Variants in ALDH8A1 observed in about 807,000 individuals in gnomAD.
The protein encoded by ALDH8A1 is 2-aminomuconic semialdehyde dehydrogenase.
ALDH8A1 carries 39 observed loss-of-function variants against 43.3 expected under a neutral mutation model. The observed-to-expected ratio is 0.90, with a 90% CI of 0.70 to 1.18. The LOEUF is 1.18. Among genes scored for constraint, ALDH8A1 ranks in the 50% most tolerant of loss-of-function variants. The pLI is 0.00. For synonymous variants in ALDH8A1, 233 were observed against 243.5 expected, an observed-to-expected ratio of 0.96 and a Z score of 0.40; for missense variants, 605 against 622.6, an observed-to-expected ratio of 0.97 and a Z score of 0.30.
In ALDH8A1 at chr6:134,946,786, G is replaced by GTGCACAGGTGCGCATGTGTGCACGCA. The variant is rs534082327; in HGVS notation, c.139-2821_139-2820insTGCGTGCACACATGCGCACCTGTGCA. On this transcript the variant is annotated intron_variant, in intron 1 of 6. Transcript: ENST00000265605. The stretch of plus-strand genomic sequence containing the variant: ...CACACAGGTGCGCATGTGTGCGCGC[G>GTGCACAGGTGCGCATGTGTGCACGCA]CGCACAGGTGCGCATGTGTGCGTGC... Among the ~76,000 whole-genome samples the GTGCACAGGTGCGCATGTGTGCACGCA allele has an allele frequency of 3.1e-4, 46 of 150,152 alleles. No individual in the cohort carries two copies. In the South Asian group the frequency reaches 9.2e-3, roughly 30 times the overall value.
chr6:134,942,989 G>T (rs139725668), intron 2 of ALDH8A1, among the ~76,000 whole-genome samples: 1 of 152,288 alleles, frequency 6.6e-6, no homozygotes, highest in Non-Finnish European at 1.5e-5. Context: ...TGTATTTCAT[G>T]ACCTCCCCAC....
At chr6:134,939,139 G>A (rs941442466) in intron 4 of ALDH8A1, 127 bp downstream of exon 4, 5 of 1,417,642 alleles carry the variant, frequency 3.5e-6, no homozygotes, top group African/African-American at 2.8e-5. Context: ...GGATTTCCCA[G>A]ACAAGGATCA....
chr6:134,930,018 A>G (rs1478460328), intron 5 of ALDH8A1, among the ~76,000 whole-genome samples: 1 of 152,150 alleles, frequency 6.6e-6, no homozygotes, highest in East Asian at 1.9e-4. Flanking sequence ...GAGGAGTGAA[A>G]AGGACCCACT....
intron 6 of ALDH8A1, among the ~76,000 whole-genome samples, chr6:134,922,493 T>C (rs1481522435): frequency 6.6e-6 from 1 of 151,982 alleles, no homozygotes; most frequent in East Asian, 1.9e-4. Context: ...GTGCAAGCGA[T>C]TCTCCTGCCT....
At position 134,946,412 on chromosome 6, in the gene ALDH8A1, C is replaced by A. The variant is rs187572386; in HGVS notation, c.139-2446G>T. ...TTTTGCTATTCAGAAAATTCAAGTC[C>A]ACTCATATTTTCTAAGTTGCCTTAT... On this transcript the variant is annotated intron_variant, in intron 1 of 6. Transcript: ENST00000265605. 2.4e-4 allele frequency among the ~76,000 whole-genome samples: 36 copies of A among 152,248 alleles called. No homozygotes were observed. The East Asian group carries it at 6.8e-3, about 29-fold the overall frequency.
At chr6:134,934,763 A>G (rs6569981) in intron 4 of ALDH8A1, among the ~76,000 whole-genome samples, 25,075 of 152,190 alleles carry the variant, frequency 0.16, 3,214 homozygotes, top group African/African-American at 0.34. Context: ...AGCCTTGGCA[A>G]TGCAGCCAGA....
intron 5 of ALDH8A1, among the ~76,000 whole-genome samples, chr6:134,930,448 C>T (rs888285621): frequency 6.6e-6 from 1 of 152,164 alleles, no homozygotes; most frequent in Non-Finnish European, 1.5e-5. Context: ...TCTAGACTTT[C>T]AAAGCATTAT....
At chr6:134,938,838 G>C (rs1396294600) in intron 4 of ALDH8A1, among the ~76,000 whole-genome samples, 1 of 151,946 alleles carries the variant, frequency 6.6e-6, no homozygotes, top group East Asian at 1.9e-4. Context: ...TAGTAGAGAC[G>C]GGGTTTCATC....
At chr6:134,930,210 G>A (rs1028183798) in intron 5 of ALDH8A1, among the ~76,000 whole-genome samples, 6 of 152,182 alleles carry the variant, frequency 3.9e-5, no homozygotes, top group African/African-American at 1.4e-4. Flanking sequence ...GTTGTTCCCT[G>A]GAAGGGCAGA....
chr6:134,932,506 A>T (rs1040691966), intron 5 of ALDH8A1, among the ~76,000 whole-genome samples: 2 of 152,224 alleles, frequency 1.3e-5, no homozygotes, highest in African/African-American at 4.8e-5. Context: ...TTGGAGCAGC[A>T]ACATCAATCA....
chr6:134,932,659 G>T (rs1342248506), intron 5 of ALDH8A1, 117 bp downstream of exon 5: 2 of 1,411,244 alleles, frequency 1.4e-6, no homozygotes, highest in Non-Finnish European at 1.9e-6. Flanking sequence ...TACTGATCCT[G>T]CTTTCTCGGA....
intron 4 of ALDH8A1, among the ~76,000 whole-genome samples, chr6:134,936,671 G>A (rs1410692922): frequency 1.3e-5 from 2 of 152,188 alleles, no homozygotes; most frequent in Non-Finnish European, 2.9e-5. Context: ...AGTAAAATGC[G>A]CTCACTGCGG....
rs753034638 is a variant in ALDH8A1, at chr6:134,932,934, C to T, written c.691G>A (p.Gly231Arg). The part of the protein sequence containing the change: ...HPEVPLISFT[G>R]SQPTAERITQ... ...ATCCGCTCAGCGGTGGGCTGGCTCCCGGTGAAGGAGATCAGGGGCACCTCT... is the reference window on the plus strand; with the variant it reads ...ATCCGCTCAGCGGTGGGCTGGCTCCTGGTGAAGGAGATCAGGGGCACCTCT... The change falls in exon 5 of 7, where the codon GGG (glycine) becomes AGG (arginine). Residue 231 changes from glycine to arginine, a missense_variant. Transcript: ENST00000265605. 1.9e-5 allele frequency: 30 copies of T among 1,614,102 alleles called. No homozygotes were observed. In the East Asian group the frequency reaches 4.2e-4, roughly 23 times the overall value.
intron 2 of ALDH8A1, 31 bp downstream of exon 2, chr6:134,943,788 T>C: frequency 2.5e-6 from 4 of 1,608,734 alleles, no homozygotes; most frequent in Non-Finnish European, 3.4e-6. Flanking sequence ...ATGCCCTGAG[T>C]CCCATGTTAC....
intron 6 of ALDH8A1, among the ~76,000 whole-genome samples, chr6:134,919,696 G>A (rs1776764869): frequency 6.6e-6 from 1 of 152,126 alleles, no homozygotes; most frequent in African/African-American, 2.4e-5. Flanking sequence ...ATGTAGAACA[G>A]CAGTAAAGAA....
chr6:134,939,156 C>G, intron 4 of ALDH8A1, 110 bp downstream of exon 4: 2 of 1,493,020 alleles, frequency 1.3e-6, no homozygotes, highest in African/African-American at 2.8e-5. Context: ...ATCAGAAAGA[C>G]AAAGCCCATG....
Position 134,918,245 on chromosome 6 carries a change from G to A in ALDH8A1, c.*170C>T. The A allele has an allele frequency of 1.6e-6, 1 of 634,462 alleles. No homozygotes were observed. The highest frequency in any genetic ancestry group is 2.7e-6 in the Non-Finnish European group (1 of 369,022). The allele number at this position is 634,462 out of a possible 1,614,324, so 39.3% of individuals were successfully genotyped here. Reference sequence around the variant, plus strand: ...TCCGAGTCCACATTGAAAATAGACAGTATCTCTTCACTAGTGGGTAAAGTT... The same window carrying A: ...TCCGAGTCCACATTGAAAATAGACAATATCTCTTCACTAGTGGGTAAAGTT... On this transcript the variant is annotated 3_prime_UTR_variant, in exon 7 of 7. Coordinates refer to ENST00000265605, the MANE Select transcript of ALDH8A1 (RefSeq NM_022568.4).
In ALDH8A1 at chr6:134,919,196, G is replaced by T. The variant is rs968778553; in HGVS notation, c.1012-329C>A. On this transcript the variant is annotated intron_variant, in intron 6 of 6. Coordinates refer to ENST00000265605, the MANE Select transcript of ALDH8A1 (RefSeq NM_022568.4). ...GTTAATCTATTATTATCTTCTATTTGCTGATAGTATAATTGAGTGTAAAAA... is the reference window on the plus strand; with the variant it reads ...GTTAATCTATTATTATCTTCTATTTTCTGATAGTATAATTGAGTGTAAAAA... Among the ~76,000 whole-genome samples the T allele has an allele frequency of 1.2e-4, 19 of 152,222 alleles. No homozygotes were observed. In the South Asian group the frequency reaches 2.9e-3, roughly 23 times the overall value.
At chr6:134,928,799 T>C (rs1247042759) in intron 6 of ALDH8A1, among the ~76,000 whole-genome samples, 2 of 152,236 alleles carry the variant, frequency 1.3e-5, no homozygotes, top group African/African-American at 4.8e-5. Flanking sequence ...TGGCTTCCCC[T>C]CTCTACTGGT....
Sources: gnomAD v4.1 joint callset for allele counts (sites outside exome capture counted in the v4.1 genomes callset) on GRCh38, gnomAD v4.1.1 for gene constraint, MANE v1.5 for transcripts, NCBI Gene and HGNC (gene_info 2026-07-23, HGNC 2026-07-21) for gene names.